Variants in INPP4B observed in about 807,000 individuals in gnomAD.
The protein encoded by INPP4B is inositol polyphosphate-4-phosphatase type II B, also known as inositol polyphosphate 4-phosphatase type II.
Under a neutral mutation model 122.5 loss-of-function variants are expected in INPP4B, and 55 were observed. The observed-to-expected ratio is 0.45, with a 90% CI of 0.36 to 0.56. The LOEUF is 0.56. Among genes scored for constraint, INPP4B ranks in the 20% least tolerant of loss-of-function variants. The pLI is 0.00. For synonymous variants in INPP4B, 403 were observed against 388.7 expected (o/e 1.04, Z -0.43); for missense variants, 1,000 against 1,097.7 (o/e 0.91, Z 1.26).
intron 1 of INPP4B, among the ~76,000 whole-genome samples, chr4:142,784,624 G>C (rs1775457851): frequency 6.6e-6 from 1 of 151,992 alleles, no homozygotes; most frequent in South Asian, 2.1e-4. Flanking sequence ...TAGCTTGAGA[G>C]TGAGAAACTC....
chr4:142,364,385 T>C (rs552102177), intron 7 of INPP4B, among the ~76,000 whole-genome samples: 3 of 151,936 alleles, frequency 2.0e-5, no homozygotes, highest in African/African-American at 7.2e-5. Flanking sequence ...ACACTTGCAA[T>C]AGACTCTTGG....
At chr4:142,630,182 T>C (rs1747622211) in intron 2 of INPP4B, among the ~76,000 whole-genome samples, 1 of 152,108 alleles carries the variant, frequency 6.6e-6, no homozygotes, top group Non-Finnish European at 1.5e-5. Context: ...AGAAGAGGCA[T>C]GAAAACCAAG....
chr4:142,606,391 A>G (rs1436123092), intron 2 of INPP4B, among the ~76,000 whole-genome samples: 1 of 151,888 alleles, frequency 6.6e-6, no homozygotes, highest in African/African-American at 2.4e-5. Flanking sequence ...ACTAGAAGAG[A>G]GGACTTGAAA....
rs557885785 is a variant in INPP4B at position 142,623,023 on chromosome 4, T to A, written c.-191+102816A>T. Among the ~76,000 whole-genome samples the A allele has an allele frequency of 5.9e-5, 9 of 152,016 alleles. No individual in the cohort carries two copies. In the South Asian group the frequency reaches 1.9e-3, roughly 31 times the overall value. The stretch of plus-strand genomic sequence containing the variant: ...ACACTCCTCTATAGCCTCCTAAATA[T>A]CCTCATATCCCAGATTCTCCTACAC... On this transcript the variant is annotated intron_variant, in intron 2 of 25. Coordinates refer to ENST00000262992, the MANE Select transcript of INPP4B (RefSeq NM_001101669.3).
chr4:142,515,722 G>A (rs1398230951), intron 2 of INPP4B, among the ~76,000 whole-genome samples: 1 of 152,172 alleles, frequency 6.6e-6, no homozygotes, highest in Non-Finnish European at 1.5e-5. Context: ...AGGATATGAT[G>A]TTCAAAGGGT....
At chr4:142,430,563 T>C (rs1431922703) in intron 4 of INPP4B, among the ~76,000 whole-genome samples, 1 of 152,050 alleles carries the variant, frequency 6.6e-6, no homozygotes, top group Non-Finnish European at 1.5e-5. Context: ...ACCCAAACCC[T>C]AGAATTTTAA....
At chr4:142,190,708 A>G (rs1201448941) in intron 15 of INPP4B, among the ~76,000 whole-genome samples, 2 of 147,110 alleles carry the variant, frequency 1.4e-5, no homozygotes, top group Non-Finnish European at 3.0e-5. Flanking sequence ...TTAACCCAAG[A>G]TCTGTAAGAG....
At chr4:142,418,626 G>A (rs1806236612) in intron 5 of INPP4B, among the ~76,000 whole-genome samples, 1 of 152,084 alleles carries the variant, frequency 6.6e-6, no homozygotes, top group Non-Finnish European at 1.5e-5. Flanking sequence ...AACCAGCTAA[G>A]GGGGGACAAT....
At chr4:142,355,718 C>A (rs1262422339) in intron 7 of INPP4B, among the ~76,000 whole-genome samples, 1 of 151,940 alleles carries the variant, frequency 6.6e-6, no homozygotes, top group Admixed American at 6.6e-5. Context: ...CAAAATTTAC[C>A]AGTTTCTGGC....
chr4:142,756,195 G>A (rs183783579), intron 1 of INPP4B, among the ~76,000 whole-genome samples: 1 of 152,040 alleles, frequency 6.6e-6, no homozygotes, highest in African/African-American at 2.4e-5. Flanking sequence ...ATGTTGTCAT[G>A]TCTACATGTT....
intron 2 of INPP4B, among the ~76,000 whole-genome samples, chr4:142,585,621 A>G (rs986925774): frequency 2.0e-5 from 3 of 152,086 alleles, no homozygotes; most frequent in Admixed American, 2.0e-4. Flanking sequence ...GAAGTCCAGC[A>G]TGTGCCCCTC....
At chr4:142,257,026 C>A (rs904908306) in intron 11 of INPP4B, among the ~76,000 whole-genome samples, 6 of 152,164 alleles carry the variant, frequency 3.9e-5, no homozygotes, top group African/African-American at 1.4e-4. Flanking sequence ...TGGGTTTCAT[C>A]CCTAGGATGC....
intron 17 of INPP4B, among the ~76,000 whole-genome samples, chr4:142,153,707 G>T (rs1367345303): frequency 2.0e-5 from 3 of 152,136 alleles, no homozygotes; most frequent in African/African-American, 7.2e-5. Context: ...ATATCAGCAA[G>T]TCTATCCATT....
chr4:142,275,788 T>C (rs1357413076), intron 9 of INPP4B, among the ~76,000 whole-genome samples: 1 of 151,786 alleles, frequency 6.6e-6, no homozygotes, highest in Admixed American at 6.6e-5. Context: ...TTCTCAGTTT[T>C]CTGCTCTTTT....
intron 1 of INPP4B, among the ~76,000 whole-genome samples, chr4:142,820,261 C>T (rs564459790): frequency 6.6e-6 from 1 of 152,278 alleles, no homozygotes; most frequent in South Asian, 2.1e-4. Flanking sequence ...GTGGATTCCC[C>T]ACGAGTAGAT....
chr4:142,313,550 C>T (rs1329312117), intron 8 of INPP4B, among the ~76,000 whole-genome samples: 1 of 152,160 alleles, frequency 6.6e-6, no homozygotes, highest in Non-Finnish European at 1.5e-5. Flanking sequence ...CCATGAAGTG[C>T]AGCAGCCCAG....
At chr4:142,097,231 T>TTTTATTTTAC (rs1432269138) in intron 23 of INPP4B, among the ~76,000 whole-genome samples, 1 of 146,114 alleles carries the variant, frequency 6.8e-6, no homozygotes, top group Non-Finnish European at 1.5e-5. Context: ...GTTATTTTTA[T>TTTTATTTTAC]TTTATTTTAT....
At chr4:142,134,882 A>G (rs1363470490) in intron 18 of INPP4B, among the ~76,000 whole-genome samples, 2 of 151,946 alleles carry the variant, frequency 1.3e-5, no homozygotes, top group Admixed American at 6.6e-5. Context: ...TCTTTTTCCA[A>G]TGAAATTCTC....
At chr4:142,571,144 G>C (rs1030176211) in intron 2 of INPP4B, among the ~76,000 whole-genome samples, 7 of 146,150 alleles carry the variant, frequency 4.8e-5, no homozygotes, top group African/African-American at 1.8e-4. Flanking sequence ...AAGAGGAAAA[G>C]AGGAAGAGGG....
Sources: gnomAD v4.1 joint callset for allele counts (sites outside exome capture counted in the v4.1 genomes callset) on GRCh38, gnomAD v4.1.1 for gene constraint, MANE v1.5 for transcripts, NCBI Gene and HGNC (gene_info 2026-07-23, HGNC 2026-07-21) for gene names.